BCAS3: variants seen among roughly 807,000 people sequenced by gnomAD.
The protein encoded by BCAS3 is BCAS4/BCAS3 fusion.
In BCAS3, 53 loss-of-function variants were observed where a neutral mutation model predicts 116.1. That is an observed-to-expected ratio of 0.46 (90% CI 0.37 to 0.57). BCAS3 has a LOEUF of 0.57. BCAS3 is among the 20% of genes least tolerant of loss of function. The probability of loss-of-function intolerance (pLI) is 0.00; values close to 1 mark genes in which losing one functional copy is unlikely to be tolerated. For synonymous variants in BCAS3, 391 were observed against 408.2 expected (o/e 0.96, Z 0.51); for missense variants, 917 against 1,165.4 (o/e 0.79, Z 3.10).
intron 22 of BCAS3, among the ~76,000 whole-genome samples, chr17:61,146,693 ACT>A (rs1200888808): frequency 6.6e-6 from 1 of 152,054 alleles, no homozygotes; most frequent in Non-Finnish European, 1.5e-5. Flanking sequence ...TTTCCTTGTG[ACT>A]CTCATAATCA....
chr17:61,231,885 A>AAG (rs1330994301), intron 22 of BCAS3, among the ~76,000 whole-genome samples: 1 of 148,044 alleles, frequency 6.8e-6, no homozygotes, highest in African/African-American at 2.6e-5. Flanking sequence ...AAAAAAAAAA[A>AAG]AAGAAAGAGA....
intron 8 of BCAS3, among the ~76,000 whole-genome samples, chr17:60,872,578 T>C (rs1353154457): frequency 2.0e-5 from 3 of 151,356 alleles, no homozygotes; most frequent in East Asian, 1.9e-4. Flanking sequence ...TATATCTGTA[T>C]GTATATACAC....
chr17:61,094,141 A>G (rs12946352), intron 22 of BCAS3, among the ~76,000 whole-genome samples: 21 of 152,362 alleles, frequency 1.4e-4, no homozygotes, highest in African/African-American at 4.3e-4. Flanking sequence ...AGCCTCTGCT[A>G]CCTACTTAAG....
At chr17:61,270,343 G>T (rs1345429359) in intron 22 of BCAS3, among the ~76,000 whole-genome samples, 1 of 149,626 alleles carries the variant, frequency 6.7e-6, no homozygotes, top group Non-Finnish European at 1.5e-5. Flanking sequence ...GGCTGGTCTC[G>T]AACTCCTGGC....
intron 2 of BCAS3, 47 bp downstream of exon 2, chr17:60,679,587 A>G: frequency 6.9e-7 from 1 of 1,450,052 alleles, no homozygotes; most frequent in Non-Finnish European, 9.6e-7. Flanking sequence ...AAGATTACTC[A>G]GAATACTAAC....
intron 19 of BCAS3, among the ~76,000 whole-genome samples, chr17:61,046,205 T>A (rs549080656): frequency 5.4e-4 from 73 of 134,042 alleles, no homozygotes; most frequent in African/African-American, 1.8e-3. Context: ...AAGCGGACTT[T>A]ATTACTCTCT....
At chr17:61,230,959 C>CTTTTTTTT (rs763299746) in intron 22 of BCAS3, among the ~76,000 whole-genome samples, 1 of 121,854 alleles carries the variant, frequency 8.2e-6, no homozygotes. Context: ...TAGTTTTTGC[C>CTTTTTTTT]TTTTTTTTTT....
chr17:61,048,038 G>A (rs913596504), intron 19 of BCAS3, among the ~76,000 whole-genome samples: 5 of 151,982 alleles, frequency 3.3e-5, no homozygotes, highest in African/African-American at 1.2e-4. Context: ...ACAATAGAAA[G>A]GTGACTGGGG....
intron 14 of BCAS3, among the ~76,000 whole-genome samples, chr17:60,966,184 T>A (rs1357136646): frequency 6.6e-6 from 1 of 152,234 alleles, no homozygotes; most frequent in African/African-American, 2.4e-5. Context: ...GGAGTATCTT[T>A]TCTCACCCCT....
chr17:60,879,553 G>A (rs760875914), intron 9 of BCAS3, among the ~76,000 whole-genome samples: 3 of 152,246 alleles, frequency 2.0e-5, no homozygotes, highest in East Asian at 1.9e-4. Context: ...TCCAAAACCC[G>A]TGTATGATTA....
At position 61,313,850 on chromosome 17, in the gene BCAS3, C is replaced by T. The variant is rs564595698; in HGVS notation, c.2426-54477C>T. 9.5e-4 allele frequency among the ~76,000 whole-genome samples: 144 copies of T among 152,308 alleles called. 3 individuals carry two copies. In the South Asian group the frequency reaches 0.023, roughly 24 times the overall value. On this transcript the variant is annotated intron_variant, in intron 22 of 23. Coordinates refer to ENST00000407086, the MANE Select transcript of BCAS3 (RefSeq NM_017679.5). This position sits in a 1 kb window ranked among gnomAD's most constrained non-coding sequence, Gnocchi z 4.3. ...GCTCAAGCAAGAGATGTTTCAATGC[C>T]GCGGAGCCAGTGACCACACGTGGGC...
intron 6 of BCAS3, among the ~76,000 whole-genome samples, chr17:60,757,826 G>A (rs1267313451): frequency 6.6e-6 from 1 of 151,970 alleles, no homozygotes; most frequent in East Asian, 1.9e-4. Context: ...TAGTCATGAA[G>A]GTTTTGCCTA....
At chr17:60,687,485 T>G (rs1338397625) in intron 3 of BCAS3, among the ~76,000 whole-genome samples, 1 of 152,114 alleles carries the variant, frequency 6.6e-6, no homozygotes, top group Non-Finnish European at 1.5e-5. Context: ...ACACCTGTAG[T>G]CCCAGCTATT....
At chr17:60,813,269 C>T (rs916849393) in intron 7 of BCAS3, among the ~76,000 whole-genome samples, 1 of 150,494 alleles carries the variant, frequency 6.6e-6, no homozygotes, top group African/African-American at 2.5e-5. Flanking sequence ...ATTTTCTGAC[C>T]AGTTATTTTC....
chr17:61,120,627 C>T (rs759318606), intron 22 of BCAS3, among the ~76,000 whole-genome samples: 56 of 152,156 alleles, frequency 3.7e-4, no homozygotes, highest in Non-Finnish European at 7.4e-4. Context: ...TATGCTACCC[C>T]GCTACTCTAC....
At chr17:60,903,958 T>C (rs570982853) in intron 11 of BCAS3, among the ~76,000 whole-genome samples, 8 of 152,294 alleles carry the variant, frequency 5.3e-5, no homozygotes, top group African/African-American at 1.9e-4. Flanking sequence ...CTTATGATCA[T>C]TTTCAGTAAT....
At chr17:61,163,933 G>C (rs1417659869) in intron 22 of BCAS3, among the ~76,000 whole-genome samples, 1 of 146,008 alleles carries the variant, frequency 6.8e-6, no homozygotes, top group African/African-American at 2.5e-5. Flanking sequence ...GGAGGCAGAG[G>C]TTGCAGTGAG....
At chr17:60,927,216 C>A (rs1044124454) in intron 13 of BCAS3, among the ~76,000 whole-genome samples, 3 of 147,220 alleles carry the variant, frequency 2.0e-5, no homozygotes, top group South Asian at 2.1e-4. Context: ...TTTTTAAATT[C>A]TTTTATTTAT....
rs2077814173 is a variant in BCAS3 at position 61,156,033 on chromosome 17, T to C, written c.2425+71469T>C. On this transcript the variant is annotated intron_variant, in intron 22 of 23. Coordinates refer to ENST00000407086, the MANE Select transcript of BCAS3 (RefSeq NM_017679.5). The surrounding 1 kb of genome is among the most constrained non-coding windows in gnomAD (Gnocchi z 4.7). ...ATGGTATTGTTTAAAGTGACTTAAATGACTTTTCCCAACAAGCTCACCAGG... is the reference window on the plus strand; with the variant it reads ...ATGGTATTGTTTAAAGTGACTTAAACGACTTTTCCCAACAAGCTCACCAGG... Among the ~76,000 whole-genome samples the C allele has an allele frequency of 6.6e-6, 1 of 152,074 alleles. No homozygotes were observed. The highest frequency in any genetic ancestry group is 1.5e-5 in the Non-Finnish European group (1 of 68,014).
Sources: gnomAD v4.1 joint callset for allele counts (sites outside exome capture counted in the v4.1 genomes callset) on GRCh38, gnomAD v4.1.1 for gene constraint, Gnocchi (gnomAD v3.1) non-coding constraint, MANE v1.5 for transcripts, NCBI Gene and HGNC (gene_info 2026-07-23, HGNC 2026-07-21) for gene names.